The following THSD7A variants were observed in gnomAD, a reference collection of about 807,000 sequenced individuals.
THSD7A encodes the protein thrombospondin type-1 domain-containing protein 7A.
In THSD7A, 96 loss-of-function variants were observed where a neutral mutation model predicts 231.3. The observed-to-expected ratio is 0.41, with a 90% confidence interval of 0.35 to 0.49. The LOEUF (loss-of-function observed/expected upper bound fraction) is 0.49, where lower values mean the gene tolerates loss of function less well. Ranked by LOEUF, THSD7A falls within the 20% of genes least tolerant of loss-of-function variation. The probability of loss-of-function intolerance (pLI) is 0.05; values close to 1 mark genes in which losing one functional copy is unlikely to be tolerated. For missense variants in THSD7A, 2,290 were observed against 2,070.2 expected (o/e 1.11, Z -2.06); for synonymous variants, 940 against 743.3 (o/e 1.26, Z -4.30).
Position 11,371,968 on chromosome 7 carries a change from C to T in THSD7A, c.*3826G>A, listed in dbSNP as rs1782071809. On this transcript the variant is annotated 3_prime_UTR_variant, in exon 28 of 28. Transcript: ENST00000423059. Reference sequence around the variant, plus strand: ...AATAGCTGTCAAGAGTAGAAAGAGACCAAGCAGAGAAAATCAGAAAGGGCC... The same window carrying T: ...AATAGCTGTCAAGAGTAGAAAGAGATCAAGCAGAGAAAATCAGAAAGGGCC... The T allele has an allele frequency of 6.6e-6, 1 of 151,280 alleles. No homozygotes were observed. The highest frequency in any genetic ancestry group is 1.5e-5 in the Non-Finnish European group (1 of 67,892). The allele number at this position is 151,280 out of a possible 1,614,324, so 9.4% of individuals were successfully genotyped here.
chr7:11,449,236 C>A (rs1218436497), intron 11 of THSD7A, among the ~76,000 whole-genome samples: 1 of 151,988 alleles, frequency 6.6e-6, no homozygotes, highest in Non-Finnish European at 1.5e-5. Flanking sequence ...AACTACTGCT[C>A]TAGTAGGTAA....
At chr7:11,717,977 T>C (rs940837257) in intron 1 of THSD7A, among the ~76,000 whole-genome samples, 1 of 151,562 alleles carries the variant, frequency 6.6e-6, no homozygotes, top group Non-Finnish European at 1.5e-5. Flanking sequence ...TTTCATCCCC[T>C]GAAATTCAAG....
rs749100359 is a variant in THSD7A, at chr7:11,636,375, G to A, written c.777C>T (p.Pro259=). 6 of 1,613,816 alleles carry A rather than the reference G, an allele frequency of 3.7e-6. No homozygotes were observed. In the South Asian group the frequency reaches 5.5e-5, roughly 15 times the overall value. Residue 259 remains proline (P), a synonymous_variant, in exon 2 of 28, where the codon CCC becomes CCT. Transcript: ENST00000423059. This position sits in a 1 kb window ranked among gnomAD's most constrained non-coding sequence, Gnocchi z 10.0. The part of the protein sequence containing the change: ...EELRYSLHVG[P]WSTCSMPHSR... Reference sequence around the variant, plus strand: ...AGTGGGGCATTGAGCAGGTGCTCCAGGGCCCCACATGCAGGCTGTACCTGA... The same window carrying A: ...AGTGGGGCATTGAGCAGGTGCTCCAAGGCCCCACATGCAGGCTGTACCTGA...
intron 4 of THSD7A, among the ~76,000 whole-genome samples, chr7:11,560,401 A>G (rs1258258286): frequency 2.0e-5 from 3 of 151,922 alleles, no homozygotes; most frequent in Non-Finnish European, 4.4e-5. Flanking sequence ...CACATCACAT[A>G]TTCTGTGACT....
At chr7:11,467,298 C>T (rs1445878999) in intron 9 of THSD7A, among the ~76,000 whole-genome samples, 1 of 151,904 alleles carries the variant, frequency 6.6e-6, no homozygotes, top group Non-Finnish European at 1.5e-5. Context: ...TATTCCATTC[C>T]CTTCCTTAGA....
intron 1 of THSD7A, among the ~76,000 whole-genome samples, chr7:11,719,150 A>G (rs1310663026): frequency 6.6e-6 from 1 of 151,562 alleles, no homozygotes; most frequent in Non-Finnish European, 1.5e-5. Flanking sequence ...CCTTTTGATT[A>G]CCTATTTAAA....
intron 4 of THSD7A, among the ~76,000 whole-genome samples, chr7:11,577,274 G>A (rs1003717130): frequency 2.0e-5 from 3 of 150,666 alleles, no homozygotes; most frequent in Non-Finnish European, 3.0e-5. Context: ...AGATCTAGCT[G>A]AGCACATATA....
At chr7:11,765,391 G>A (rs1390973402) in intron 1 of THSD7A, among the ~76,000 whole-genome samples, 1 of 152,152 alleles carries the variant, frequency 6.6e-6, no homozygotes, top group African/African-American at 2.4e-5. Context: ...TATACTAGGT[G>A]ATATCCAGCT....
intron 27 of THSD7A, 78 bp downstream of exon 27, chr7:11,376,492 C>A: frequency 8.9e-7 from 1 of 1,119,192 alleles, no homozygotes; most frequent in Non-Finnish European, 1.3e-6. Context: ...ATGTAGAGTA[C>A]TTATTTGAGA....
intron 1 of THSD7A, among the ~76,000 whole-genome samples, chr7:11,751,888 T>C (rs902217519): frequency 2.0e-5 from 3 of 152,058 alleles, no homozygotes; most frequent in Admixed American, 1.3e-4. Context: ...CAAAGACTGA[T>C]GAGTTTACTT....
intron 6 of THSD7A, among the ~76,000 whole-genome samples, chr7:11,498,492 T>C (rs1429909817): frequency 6.6e-6 from 1 of 152,114 alleles, no homozygotes; most frequent in Non-Finnish European, 1.5e-5. Context: ...CCCCTGGGAC[T>C]GCACTCCCAG....
intron 7 of THSD7A, among the ~76,000 whole-genome samples, chr7:11,478,651 T>C (rs1786293731): frequency 6.6e-6 from 1 of 152,118 alleles, no homozygotes; most frequent in Non-Finnish European, 1.5e-5. Flanking sequence ...AAGTGCAGTA[T>C]GAGGAAGAGA....
At chr7:11,735,010 G>T (rs1781864177) in intron 1 of THSD7A, among the ~76,000 whole-genome samples, 1 of 151,966 alleles carries the variant, frequency 6.6e-6, no homozygotes, top group South Asian at 2.1e-4. Context: ...ACATTTTTCT[G>T]TAAGAACCCT....
rs923982168 is a variant in THSD7A, at chr7:11,637,202, G to A, written c.191-241C>T. Among the ~76,000 whole-genome samples, 1 of 152,158 alleles carries A rather than the reference G, an allele frequency of 6.6e-6. No homozygotes were observed. Among genetic ancestry groups the A allele is most frequent in the African/African-American group, 2.4e-5 (1 of 41,436 alleles). ...GGACAATTTCACTTTGGGTCCTTTA[G>A]GGATTACGAAAAGTTTGGTTTTGTT... On this transcript the variant is annotated intron_variant, in intron 1 of 27. Transcript: ENST00000423059. The surrounding 1 kb of genome is among the most constrained non-coding windows in gnomAD (Gnocchi z 4.2).
chr7:11,373,790 T>A lies in THSD7A; in HGVS notation c.*2004A>T, dbSNP rs1316742109. The A allele has an allele frequency of 6.6e-6, 1 of 152,096 alleles. No individual in the cohort carries two copies. Among genetic ancestry groups the A allele is most frequent in the East Asian group, 1.9e-4 (1 of 5,192 alleles). 9.4% of individuals were successfully genotyped at this position (152,096 alleles called of 1,614,324 possible). On this transcript the variant is annotated 3_prime_UTR_variant, in exon 28 of 28. Transcript: ENST00000423059. Reference sequence around the variant, plus strand: ...AATACCTTCTAATCCAAAACACTTTTACAGGAACACAGCTGTTTAAGATAA... The same window carrying A: ...AATACCTTCTAATCCAAAACACTTTAACAGGAACACAGCTGTTTAAGATAA...
intron 1 of THSD7A, among the ~76,000 whole-genome samples, chr7:11,709,818 A>G (rs1262943098): frequency 6.6e-6 from 1 of 150,874 alleles, no homozygotes; most frequent in Non-Finnish European, 1.5e-5. Flanking sequence ...AGAAATGTAG[A>G]AATTCCTGCC....
chr7:11,750,313 C>T (rs922294837), intron 1 of THSD7A, among the ~76,000 whole-genome samples: 6 of 151,640 alleles, frequency 4.0e-5, no homozygotes, highest in African/African-American at 7.3e-5. Context: ...TATAGGGGTG[C>T]GTAGTACAAA....
chr7:11,428,365 G>A (rs1002919810), intron 14 of THSD7A, among the ~76,000 whole-genome samples: 2 of 152,044 alleles, frequency 1.3e-5, no homozygotes, highest in Non-Finnish European at 2.9e-5. Context: ...TTAACAGCAG[G>A]TAAGAAAGAA....
At chr7:11,658,888 T>G (rs1317921559) in intron 1 of THSD7A, among the ~76,000 whole-genome samples, 2 of 151,680 alleles carry the variant, frequency 1.3e-5, no homozygotes, top group Non-Finnish European at 3.0e-5. Context: ...TATCTTAAGA[T>G]TCAGAGCAGA....
Sources: allele counts gnomAD v4.1 joint callset (sites outside exome capture counted in the v4.1 genomes callset), GRCh38; gene constraint gnomAD v4.1.1; non-coding constraint Gnocchi (gnomAD v3.1); transcripts MANE v1.5; gene names NCBI Gene and HGNC (gene_info 2026-07-23, HGNC 2026-07-21).